The following B4GALT1 variants were observed in gnomAD, a reference collection of about 807,000 sequenced individuals.
B4GALT1 encodes N-acetyllactosamine synthase.
A neutral mutation model predicts 34.9 loss-of-function variants in B4GALT1; 16 were observed. That is an observed-to-expected ratio of 0.46 (90% CI 0.31 to 0.70). The LOEUF (loss-of-function observed/expected upper bound fraction) is 0.70, where lower values mean the gene tolerates loss of function less well. B4GALT1 is among the 30% of genes least tolerant of loss of function. B4GALT1 has a pLI of 0.05. For missense variants in B4GALT1, 445 were observed against 530.5 expected (o/e 0.84, Z 1.58); for synonymous variants, 221 against 218.1 (o/e 1.01, Z -0.12).
At position 33,165,480 on chromosome 9, in the gene B4GALT1, T is replaced by A. The variant is rs893824844; in HGVS notation, c.412+1278A>T. Among the ~76,000 whole-genome samples, 4 of 152,126 alleles carry A rather than the reference T, an allele frequency of 2.6e-5. No individual in the cohort carries two copies. The East Asian group carries it at 7.7e-4, about 29-fold the overall frequency. On this transcript the variant is annotated intron_variant, in intron 1 of 5. Coordinates refer to ENST00000379731, the MANE Select transcript of B4GALT1 (RefSeq NM_001497.4). ...ATCATCAAATGCAAAGGAATTTAATTATCTGCTTAAAAAAACAAGCCCCCA... is the reference window on the plus strand; with the variant it reads ...ATCATCAAATGCAAAGGAATTTAATAATCTGCTTAAAAAAACAAGCCCCCA...
chr9:33,120,320 A>G, intron 3 of B4GALT1, 99 bp downstream of exon 3: 1 of 1,369,924 alleles, frequency 7.3e-7, no homozygotes. Flanking sequence ...ATTCTGCTCC[A>G]GAGCTTAAAG....
At chr9:33,142,328 T>C (rs1429054612) in intron 1 of B4GALT1, among the ~76,000 whole-genome samples, 1 of 152,224 alleles carries the variant, frequency 6.6e-6, no homozygotes, top group Admixed American at 6.5e-5. Context: ...TTTATACCTT[T>C]GGTTATATCT....
chr9:33,154,562 T>C (rs939765254), intron 1 of B4GALT1, among the ~76,000 whole-genome samples: 4 of 152,254 alleles, frequency 2.6e-5, no homozygotes, highest in Admixed American at 1.3e-4. Context: ...ATGGTTGGCA[T>C]GTAATAAGTG....
chr9:33,113,067 C>T lies in B4GALT1; in HGVS notation c.*387G>A, dbSNP rs980213146. The T allele has an allele frequency of 3.5e-5, 10 of 288,736 alleles. No individual in the cohort carries two copies. The highest frequency in any genetic ancestry group is 5.4e-5 in the Non-Finnish European group (8 of 147,278). The allele number at this position is 288,736 out of a possible 1,614,324, so 17.9% of individuals were successfully genotyped here. Reference sequence around the variant, plus strand: ...CCAATCCAATTTTAGCAGCACTCTCCGAATTTTCACGAATAAGAAAACCAT... The same window carrying T: ...CCAATCCAATTTTAGCAGCACTCTCTGAATTTTCACGAATAAGAAAACCAT... On this transcript the variant is annotated 3_prime_UTR_variant, in exon 6 of 6. Coordinates refer to ENST00000379731, the MANE Select transcript of B4GALT1 (RefSeq NM_001497.4).
downstream of B4GALT1, chr9:33,108,853 C>T (rs567918509): frequency 6.6e-5 from 10 of 152,178 alleles, no homozygotes; most frequent in African/African-American, 2.4e-4. Flanking sequence ...TACAGAGCCC[C>T]TAAAACTCTT....
chr9:33,106,137 C>T (rs1403054174), downstream of B4GALT1, among the ~76,000 whole-genome samples: 2 of 152,198 alleles, frequency 1.3e-5, no homozygotes. Flanking sequence ...CAATGACTAA[C>T]ATCAGATCCA....
chr9:33,126,647 A>G (rs1423149071), intron 2 of B4GALT1, among the ~76,000 whole-genome samples: 2 of 152,250 alleles, frequency 1.3e-5, no homozygotes, highest in African/African-American at 4.8e-5. Context: ...ATTGTTAACT[A>G]TTGTTAACCA....
intron 1 of B4GALT1, among the ~76,000 whole-genome samples, chr9:33,151,207 G>A (rs1221462922): frequency 6.6e-6 from 1 of 152,164 alleles, no homozygotes. Flanking sequence ...CTTATCCTGC[G>A]GCTTCCCTTG....
At chr9:33,158,795 A>G (rs1840634176) in intron 1 of B4GALT1, among the ~76,000 whole-genome samples, 1 of 152,202 alleles carries the variant, frequency 6.6e-6, no homozygotes, top group Non-Finnish European at 1.5e-5. Flanking sequence ...GCCAGAGTCT[A>G]TCTACTACTA....
chr9:33,129,404 G>A (rs1189632588), intron 2 of B4GALT1, among the ~76,000 whole-genome samples: 2 of 152,220 alleles, frequency 1.3e-5, no homozygotes, highest in African/African-American at 4.8e-5. Flanking sequence ...GCCCAAGGGA[G>A]GGATCCTGCA....
chr9:33,104,727 G>A (rs1839781353), exon 3 of B4GALT1: 2 of 455,812 alleles, frequency 4.4e-6, no homozygotes, highest in Non-Finnish European at 8.8e-6. Context: ...GCCACCTCCA[G>A]AGCAGAACAG....
intron 1 of B4GALT1, among the ~76,000 whole-genome samples, chr9:33,163,472 C>G (rs919742758): frequency 6.6e-6 from 1 of 152,160 alleles, no homozygotes; most frequent in African/African-American, 2.4e-5. Flanking sequence ...ACACTCACTC[C>G]CCTACCCCCC....
At chr9:33,176,368 AC>A in the B4GALT1 span, among the ~76,000 whole-genome samples, 1 of 151,976 alleles carries the variant, frequency 6.6e-6, no homozygotes, top group Non-Finnish European at 1.5e-5. Context: ...CTCAAACCAT[AC>A]CCCCAAATCT....
intron 1 of B4GALT1, among the ~76,000 whole-genome samples, chr9:33,137,442 G>A (rs557610036): frequency 6.6e-6 from 1 of 152,246 alleles, no homozygotes; most frequent in East Asian, 1.9e-4. Flanking sequence ...CCTCCTGGAG[G>A]GACAGAGGCC....
intron 4 of B4GALT1, among the ~76,000 whole-genome samples, chr9:33,114,891 A>C (rs1453144093): frequency 6.6e-6 from 1 of 152,222 alleles, no homozygotes; most frequent in Non-Finnish European, 1.5e-5. Flanking sequence ...ATGGGACTAG[A>C]TGCCTGCGGA....
intron 2 of B4GALT1, among the ~76,000 whole-genome samples, chr9:33,127,210 A>T (rs1248343093): frequency 1.3e-5 from 2 of 152,050 alleles, no homozygotes; most frequent in Non-Finnish European, 2.9e-5. Flanking sequence ...TGATCCGCCC[A>T]CCTCGGCCTC....
chr9:33,116,986 T>C (rs936793661), intron 3 of B4GALT1, among the ~76,000 whole-genome samples: 3 of 152,222 alleles, frequency 2.0e-5, no homozygotes, highest in Non-Finnish European at 4.4e-5. Flanking sequence ...TGTGGTTATG[T>C]AGAAAGCCAG....
At chr9:33,152,139 T>C (rs1587746398) in intron 1 of B4GALT1, among the ~76,000 whole-genome samples, 1 of 152,102 alleles carries the variant, frequency 6.6e-6, no homozygotes, top group Non-Finnish European at 1.5e-5. Context: ...ACCCCGTCTC[T>C]ACTAAAACAC....
intron 2 of B4GALT1, among the ~76,000 whole-genome samples, chr9:33,129,461 C>A (rs1480841256): frequency 6.6e-6 from 1 of 152,160 alleles, no homozygotes; most frequent in Non-Finnish European, 1.5e-5. Flanking sequence ...GGAGGCTTCA[C>A]TTCCAAGAGG....
Sources: allele counts gnomAD v4.1 joint callset (sites outside exome capture counted in the v4.1 genomes callset), GRCh38; gene constraint gnomAD v4.1.1; transcripts MANE v1.5; gene names NCBI Gene and HGNC (gene_info 2026-07-23, HGNC 2026-07-21).